FSTL5: variants seen among roughly 807,000 people sequenced by gnomAD.
FSTL5 encodes follistatin like 5, also known as follistatin-related protein 5.
A neutral mutation model predicts 89.1 loss-of-function variants in FSTL5; 62 were observed. The observed-to-expected ratio is 0.70, with a 90% CI of 0.57 to 0.86. The LOEUF (loss-of-function observed/expected upper bound fraction) is 0.86. Among genes scored for constraint, FSTL5 ranks in the 40% least tolerant of loss-of-function variants. The pLI is 0.00. For synonymous variants in FSTL5, 383 were observed against 346.2 expected (o/e 1.11, Z -1.18); for missense variants, 1,057 against 1,001.6 (o/e 1.06, Z -0.75).
intron 8 of FSTL5, among the ~76,000 whole-genome samples, chr4:161,574,246 G>A (rs1733131911): frequency 4.0e-5 from 6 of 151,746 alleles, no homozygotes; most frequent in Admixed American, 3.9e-4. Flanking sequence ...ATTAGGATGT[G>A]GAAATCTTTT....
intron 8 of FSTL5, among the ~76,000 whole-genome samples, chr4:161,561,063 T>C (rs1414525788): frequency 2.6e-5 from 4 of 151,940 alleles, no homozygotes; most frequent in Non-Finnish European, 4.4e-5. Context: ...TACTGTGACA[T>C]TACAATAGCT....
rs145306975 is a variant in FSTL5, at chr4:161,847,960, C to T, written c.410-71886G>A. On this transcript the variant is annotated intron_variant, in intron 4 of 15. Transcript: ENST00000306100. Reference sequence around the variant, plus strand: ...CTGAGGAAGGATAATCTCTTGAACCCGGGAGGCAGAGGTTGCAGTTAGCTG... The same window carrying T: ...CTGAGGAAGGATAATCTCTTGAACCTGGGAGGCAGAGGTTGCAGTTAGCTG... Among the ~76,000 whole-genome samples the T allele has an allele frequency of 5.3e-3, 679 of 128,280 alleles. 5 individuals carry two copies. Among genetic ancestry groups the T allele is most frequent in the African/African-American group, 0.018 (633 of 35,244 alleles). 84.2% of individuals were successfully genotyped at this position (128,280 alleles called of 152,430 possible). A position where few individuals can be genotyped will look rare whatever the true frequency, so the allele number is the denominator to read the frequency against.
At chr4:161,761,753 G>C (rs1579073903) in intron 5 of FSTL5, among the ~76,000 whole-genome samples, 1 of 152,176 alleles carries the variant, frequency 6.6e-6, no homozygotes, top group South Asian at 2.1e-4. Flanking sequence ...TGAGAAGCCA[G>C]TCCTGGCTAA....
At chr4:161,770,438 A>G (rs1405568059) in intron 5 of FSTL5, among the ~76,000 whole-genome samples, 1 of 151,990 alleles carries the variant, frequency 6.6e-6, no homozygotes, top group East Asian at 1.9e-4. Flanking sequence ...TTGCATCCCT[A>G]TATCAAAGTG....
At chr4:162,111,602 T>C (rs1731447550) in intron 1 of FSTL5, among the ~76,000 whole-genome samples, 190 bp from the exon 2 acceptor site, 2 of 152,130 alleles carry the variant, frequency 1.3e-5, no homozygotes, top group South Asian at 4.1e-4. Context: ...AAATACTTTT[T>C]TTCATTCAGA....
At chr4:161,875,006 T>C (rs1732396649) in intron 4 of FSTL5, among the ~76,000 whole-genome samples, 2 of 151,998 alleles carry the variant, frequency 1.3e-5, no homozygotes, top group Non-Finnish European at 2.9e-5. Flanking sequence ...TTTCTACAAC[T>C]TTTGTTCTTT....
At position 161,859,859 on chromosome 4, in the gene FSTL5, G is replaced by A. The variant is rs189966301; in HGVS notation, c.409+60545C>T. Among the ~76,000 whole-genome samples, 36 of 152,310 alleles carry A rather than the reference G, an allele frequency of 2.4e-4. No homozygotes were observed. In the East Asian group the frequency reaches 5.8e-3, roughly 25 times the overall value. On this transcript the variant is annotated intron_variant, in intron 4 of 15. Coordinates refer to ENST00000306100, the MANE Select transcript of FSTL5 (RefSeq NM_020116.5). ...CTCAAGAGTGAAGTATTAAGGTGGG[G>A]TTTCAAGGAAGGCTTTGAAGATCAG...
At chr4:161,740,606 C>T (rs1282151383) in intron 6 of FSTL5, among the ~76,000 whole-genome samples, 1 of 152,126 alleles carries the variant, frequency 6.6e-6, no homozygotes, top group Non-Finnish European at 1.5e-5. Context: ...TATGCTATAT[C>T]ACATTATATT....
At chr4:161,802,283 AACC>A (rs1729822193) in intron 4 of FSTL5, among the ~76,000 whole-genome samples, 2 of 151,752 alleles carry the variant, frequency 1.3e-5, no homozygotes, top group Admixed American at 1.3e-4. Flanking sequence ...CTTTGATTAT[AACC>A]ACTCTAAGCA....
chr4:161,920,259 G>T, intron 4 of FSTL5, 145 bp downstream of exon 4: 1 of 717,708 alleles, frequency 1.4e-6, no homozygotes, highest in Non-Finnish European at 2.3e-6. Context: ...TCCACACACT[G>T]CTACTTAGTG....
intron 7 of FSTL5, among the ~76,000 whole-genome samples, chr4:161,625,618 A>G (rs1047244800): frequency 2.0e-5 from 3 of 152,214 alleles, no homozygotes; most frequent in South Asian, 2.1e-4. Context: ...TAGCCTTACA[A>G]TGACCTCTAA....
At chr4:162,066,820 T>A (rs1456105794) in intron 2 of FSTL5, among the ~76,000 whole-genome samples, 1 of 152,104 alleles carries the variant, frequency 6.6e-6, no homozygotes, top group African/African-American at 2.4e-5. Flanking sequence ...ATTTTCTTTA[T>A]CCAGTCTATC....
intron 10 of FSTL5, among the ~76,000 whole-genome samples, chr4:161,515,251 G>A (rs1232612603): frequency 2.6e-5 from 4 of 152,002 alleles, no homozygotes; most frequent in Non-Finnish European, 4.4e-5. Flanking sequence ...AGGCTGGAGT[G>A]GAATGGTGAG....
Position 161,775,954 on chromosome 4 carries a change from T to C in FSTL5, c.530A>G (p.Lys177Arg), listed in dbSNP as rs1459260341. The C allele has an allele frequency of 1.3e-5, 21 of 1,608,458 alleles. No homozygotes were observed. In the East Asian group the frequency reaches 1.3e-4, roughly 10 times the overall value. The change falls in exon 5 of 16, where the codon AAG becomes AGG. Residue 177 changes from lysine (K) to arginine (R), a missense_variant. By Grantham distance (26) the Lys-to-Arg change is conservative. Coordinates refer to ENST00000306100, the MANE Select transcript of FSTL5 (RefSeq NM_020116.5). The stretch of plus-strand genomic sequence containing the variant: ...TTTAAACATTTGATCCACCAATAGC[T>C]TCTTCCGAGATATGTCGTCGCCATT... ...NPNGDDISRK[K>R]LLVDQMFKYF...
At chr4:162,154,678 A>C (rs1413879645) in intron 1 of FSTL5, among the ~76,000 whole-genome samples, 2 of 152,162 alleles carry the variant, frequency 1.3e-5, no homozygotes, top group Admixed American at 1.3e-4. Context: ...ACATTAAGCA[A>C]ATCCATCATT....
At chr4:161,778,966 C>T (rs1323489121) in intron 4 of FSTL5, among the ~76,000 whole-genome samples, 1 of 152,200 alleles carries the variant, frequency 6.6e-6, no homozygotes, top group Non-Finnish European at 1.5e-5. Flanking sequence ...TCTGTATTGC[C>T]TTCATTTCTA....
chr4:161,871,332 A>C (rs1732255418), intron 4 of FSTL5, among the ~76,000 whole-genome samples: 1 of 152,226 alleles, frequency 6.6e-6, no homozygotes, highest in African/African-American at 2.4e-5. Flanking sequence ...GACATACTTA[A>C]AATTTTCAAG....
intron 6 of FSTL5, among the ~76,000 whole-genome samples, chr4:161,705,956 A>G (rs1297313484): frequency 7.5e-4 from 12 of 15,952 alleles, no homozygotes; most frequent in African/African-American, 4.5e-3. Flanking sequence ...ATGTGTGTAT[A>G]TATATATATA....
At chr4:161,945,385 A>G (rs1338617148) in intron 3 of FSTL5, among the ~76,000 whole-genome samples, 2 of 152,218 alleles carry the variant, frequency 1.3e-5, no homozygotes, top group South Asian at 2.1e-4. Context: ...ACATGTTATC[A>G]TAGATTTTCT....
Sources: gnomAD v4.1 joint callset for allele counts (sites outside exome capture counted in the v4.1 genomes callset) on GRCh38, gnomAD v4.1.1 for gene constraint, MANE v1.5 for transcripts, NCBI Gene and HGNC (gene_info 2026-07-23, HGNC 2026-07-21) for gene names.